PRKCA: variants seen among roughly 807,000 people sequenced by gnomAD.
PRKCA encodes the protein protein kinase C alpha type.
Under a neutral mutation model 87.0 loss-of-function variants are expected in PRKCA, and 27 were observed. The ratio of observed to expected loss-of-function variants is 0.31; its 90% CI spans 0.23 to 0.43. The LOEUF is 0.43. Ranked by LOEUF, PRKCA falls within the 20% of genes least tolerant of loss-of-function variation. PRKCA has a pLI of 1.00. For missense variants in PRKCA, 518 were observed against 852.3 expected (o/e 0.61, Z 4.88); for synonymous variants, 329 against 311.1 (o/e 1.06, Z -0.61).
chr17:66,415,642 A>C (rs569443373), intron 2 of PRKCA: 8 of 152,320 alleles, frequency 5.3e-5, no homozygotes, highest in African/African-American at 1.9e-4. Context: ...GAAAGCGTTC[A>C]AAGAAGTGTT....
At chr17:66,477,196 T>G (rs1048803178) in intron 2 of PRKCA, among the ~76,000 whole-genome samples, 1 of 152,132 alleles carries the variant, frequency 6.6e-6, no homozygotes, top group Admixed American at 6.5e-5. Context: ...CCAGAACATT[T>G]AGCACAAAGC....
At position 66,809,484 on chromosome 17, in the gene PRKCA, CTT is replaced by C. The variant is rs1015772638; in HGVS notation, c.*5449_*5450del. ...GCTATTTGTACTTTTTTATAGAGAA[CTT>C]TAATAATAATTCTTTAAAAATGAGT... On this transcript the variant is annotated 3_prime_UTR_variant, in exon 17 of 17. Transcript: ENST00000413366. 4.6e-5 allele frequency: 7 copies of C among 152,514 alleles called. No homozygotes were observed. The highest frequency in any genetic ancestry group is 1.7e-4 in the African/African-American group (7 of 41,546). 9.4% of individuals were successfully genotyped at this position (152,514 alleles called of 1,614,324 possible).
rs554080821 is a variant in PRKCA, at chr17:66,685,352, T to C, written c.530-1759T>C. 3.9e-5 allele frequency among the ~76,000 whole-genome samples: 6 copies of C among 152,318 alleles called. No individual in the cohort carries two copies. In the East Asian group the frequency reaches 1.2e-3, roughly 29 times the overall value. ...CATGGTGAAGGAGGCAGAGTTTGCA[T>C]GTACACCTGCTGAGCCACAGGGACC... On this transcript the variant is annotated intron_variant, in intron 5 of 16. Transcript: ENST00000413366.
intron 2 of PRKCA, among the ~76,000 whole-genome samples, chr17:66,324,059 T>C (rs1598591092): frequency 6.6e-6 from 1 of 152,038 alleles, no homozygotes; most frequent in African/African-American, 2.4e-5. Context: ...AAGATTAAAA[T>C]TGGGTTTTAG....
At chr17:66,419,444 G>A (rs1912363669) in intron 2 of PRKCA, among the ~76,000 whole-genome samples, 1 of 151,824 alleles carries the variant, frequency 6.6e-6, no homozygotes, top group African/African-American at 2.4e-5. Context: ...TTTAATTATG[G>A]TCAAATATAA....
chr17:66,564,124 G>A (rs938518168), intron 3 of PRKCA, among the ~76,000 whole-genome samples: 1 of 151,448 alleles, frequency 6.6e-6, no homozygotes, highest in African/African-American at 2.4e-5. Context: ...TGTTGCCCAG[G>A]TTGGAGTGCA....
chr17:66,469,007 G>A (rs771699044), intron 2 of PRKCA, among the ~76,000 whole-genome samples: 24 of 152,292 alleles, frequency 1.6e-4, no homozygotes, highest in South Asian at 6.2e-4. Context: ...AGAAGGCCAT[G>A]GACTCTGAGA....
chr17:66,591,078 G>A (rs1969789700), intron 3 of PRKCA, among the ~76,000 whole-genome samples: 1 of 152,122 alleles, frequency 6.6e-6, no homozygotes, highest in African/African-American at 2.4e-5. Context: ...TTCCACATCT[G>A]TGACATCTGT....
At chr17:66,673,961 GA>G (rs1972258010) in intron 5 of PRKCA, among the ~76,000 whole-genome samples, 1 of 152,232 alleles carries the variant, frequency 6.6e-6, no homozygotes, top group Admixed American at 6.5e-5. Flanking sequence ...CTTCGCCCGT[GA>G]AAAGGCCTGG....
At position 66,349,554 on chromosome 17, in the gene PRKCA, A is replaced by G. The variant is rs183965319; in HGVS notation, c.205+43427A>G. On this transcript the variant is annotated intron_variant, in intron 2 of 16. Coordinates refer to ENST00000413366, the MANE Select transcript of PRKCA (RefSeq NM_002737.3). Reference sequence around the variant, plus strand: ...TTTCATTTTTCTTCTGGCCTTTTGCATGGAAGAAATAAGTCATCCCTTTTG... The same window carrying G: ...TTTCATTTTTCTTCTGGCCTTTTGCGTGGAAGAAATAAGTCATCCCTTTTG... 1.8e-4 allele frequency among the ~76,000 whole-genome samples: 27 copies of G among 152,208 alleles called. No homozygotes were observed. In the East Asian group the frequency reaches 5.2e-3, roughly 29 times the overall value.
chr17:66,672,303 G>C (rs1378083677), intron 5 of PRKCA, among the ~76,000 whole-genome samples: 1 of 152,074 alleles, frequency 6.6e-6, no homozygotes, highest in Admixed American at 6.6e-5. Context: ...CTTGAATAAG[G>C]AGTTAAGTCA....
At chr17:66,362,057 C>T (rs750546066) in intron 2 of PRKCA, among the ~76,000 whole-genome samples, 168 of 152,030 alleles carry the variant, frequency 1.1e-3, no homozygotes, top group Middle Eastern at 3.4e-3. Flanking sequence ...TTTTTTGATA[C>T]GGAGTTTCGC....
chr17:66,596,088 C>T (rs1056622126), intron 3 of PRKCA, among the ~76,000 whole-genome samples: 1 of 152,162 alleles, frequency 6.6e-6, no homozygotes, highest in Non-Finnish European at 1.5e-5. Context: ...AGCCGGCTAG[C>T]ACGTTGTCAG....
chr17:66,708,971 T>A (rs1973253055), intron 8 of PRKCA, among the ~76,000 whole-genome samples: 1 of 152,202 alleles, frequency 6.6e-6, no homozygotes, highest in Non-Finnish European at 1.5e-5. Flanking sequence ...TAAAGGCCCA[T>A]AATGATAAAT....
intron 3 of PRKCA, among the ~76,000 whole-genome samples, chr17:66,624,332 A>G (rs1970780943): frequency 6.6e-6 from 1 of 152,106 alleles, no homozygotes; most frequent in Admixed American, 6.5e-5. Context: ...TTGGCCAGTT[A>G]TCTCCAGACT....
chr17:66,779,021 T>C (rs953340706), intron 14 of PRKCA, among the ~76,000 whole-genome samples: 1 of 152,140 alleles, frequency 6.6e-6, no homozygotes, highest in Admixed American at 6.5e-5. Flanking sequence ...CAAATTTAAA[T>C]GTATTCCTAG....
intron 16 of PRKCA, among the ~76,000 whole-genome samples, chr17:66,802,524 CA>C (rs923944049): frequency 1.3e-4 from 17 of 132,730 alleles, no homozygotes; most frequent in East Asian, 2.4e-4. Context: ...GACTCCATCT[CA>C]AAAAAAAAAA....
At chr17:66,386,701 T>G (rs901079679) in intron 2 of PRKCA, among the ~76,000 whole-genome samples, 2 of 152,230 alleles carry the variant, frequency 1.3e-5, no homozygotes, top group Non-Finnish European at 2.9e-5. Flanking sequence ...TCAAAAAATG[T>G]ACAATTCAAA....
intron 15 of PRKCA, 22 bp from the exon 16 acceptor site, chr17:66,788,817 C>T: frequency 6.2e-7 from 1 of 1,608,870 alleles, no homozygotes; most frequent in Middle Eastern, 1.7e-4. Context: ...CATTGTTCTC[C>T]TTTTCTCCTT....
Sources: gnomAD v4.1 joint callset for allele counts (sites outside exome capture counted in the v4.1 genomes callset) on GRCh38, gnomAD v4.1.1 for gene constraint, MANE v1.5 for transcripts, NCBI Gene and HGNC (gene_info 2026-07-23, HGNC 2026-07-21) for gene names.